Variants in CPT1A observed in about 807,000 individuals in gnomAD.
The protein encoded by CPT1A is carnitine palmitoyltransferase 1A.
A neutral mutation model predicts 100.8 loss-of-function variants in CPT1A; 64 were observed. The ratio of observed to expected loss-of-function variants is 0.63; its 90% CI spans 0.52 to 0.78. The LOEUF (loss-of-function observed/expected upper bound fraction) is 0.78. Ranked by LOEUF, CPT1A falls within the 30% of genes least tolerant of loss-of-function variation. CPT1A has a pLI of 0.00. For synonymous variants in CPT1A, 363 were observed against 396.0 expected (o/e 0.92, Z 0.99); for missense variants, 802 against 1,034.1 (o/e 0.78, Z 3.08).
chr11:68,830,277 CA>C (rs139417113), intron 1 of CPT1A, among the ~76,000 whole-genome samples: 9,474 of 151,276 alleles, frequency 0.063, 424 homozygotes, highest in South Asian at 0.14. Context: ...GACCCTGTCT[CA>C]AAAAAAATAA....
chr11:68,787,601 G>A (rs975562338), intron 9 of CPT1A, among the ~76,000 whole-genome samples: 2 of 152,024 alleles, frequency 1.3e-5, no homozygotes, highest in East Asian at 1.9e-4. Context: ...TCTTTAATGA[G>A]GTCATTAGGG....
chr11:68,811,447 G>A (rs934696961), intron 3 of CPT1A, among the ~76,000 whole-genome samples: 1 of 152,180 alleles, frequency 6.6e-6, no homozygotes, highest in Non-Finnish European at 1.5e-5. Context: ...ACGGCTGCAC[G>A]AGGAAGCTGA....
At chr11:68,764,555 A>T (rs931566817) in intron 14 of CPT1A, among the ~76,000 whole-genome samples, 4 of 151,610 alleles carry the variant, frequency 2.6e-5, no homozygotes, top group African/African-American at 9.7e-5. Flanking sequence ...CACAGGACCC[A>T]CTCAGCTGGG....
chr11:68,841,886 C>G lies in CPT1A; in HGVS notation c.-125G>C, dbSNP rs918258362. On this transcript the variant is annotated 5_prime_UTR_variant, in exon 1 of 19. Transcript: ENST00000265641. The surrounding 1 kb of genome is among the most constrained non-coding windows in gnomAD (Gnocchi z 6.3). ...GGGGAAGGAGGGCCGCGGGCGAGGCCGAGCGCACCCGACGCCGGCAGCAGC... is the reference window on the plus strand; with the variant it reads ...GGGGAAGGAGGGCCGCGGGCGAGGCGGAGCGCACCCGACGCCGGCAGCAGC... 1.0e-6 allele frequency: 1 copy of G among 986,006 alleles called. No homozygotes were observed. The highest frequency in any genetic ancestry group is 1.2e-6 in the Non-Finnish European group (1 of 830,682). 61.1% of individuals were successfully genotyped at this position (986,006 alleles called of 1,614,324 possible). A position where few individuals can be genotyped will look rare whatever the true frequency, so the allele number is the denominator to read the frequency against.
Position 68,841,775 on chromosome 11 carries a change from C to A in CPT1A, c.-14G>T, listed in dbSNP as rs1857165158. 1.0e-5 allele frequency: 10 copies of A among 988,986 alleles called. No homozygotes were observed. Among genetic ancestry groups the A allele is most frequent in the Non-Finnish European group, 1.2e-5 (10 of 833,336 alleles). The allele number at this position is 988,986 out of a possible 1,614,324, so 61.3% of individuals were successfully genotyped here. ...CCCACCGCGGGCGACCGGGCCTCACCGAGTCAGCTACGGAGGTGCGGCAGC... is the reference window on the plus strand; with the variant it reads ...CCCACCGCGGGCGACCGGGCCTCACAGAGTCAGCTACGGAGGTGCGGCAGC... On this transcript the variant is annotated splice_region_variant and 5_prime_UTR_variant, in exon 1 of 19. Transcript: ENST00000265641. This position sits in a 1 kb window ranked among gnomAD's most constrained non-coding sequence, Gnocchi z 6.3.
At chr11:68,829,875 G>A (rs1566388931) in intron 1 of CPT1A, among the ~76,000 whole-genome samples, 1 of 151,952 alleles carries the variant, frequency 6.6e-6, no homozygotes. Flanking sequence ...TCATGGGGCC[G>A]CGGATGTGTC....
intron 14 of CPT1A, among the ~76,000 whole-genome samples, chr11:68,766,553 T>C (rs922491763): frequency 1.3e-5 from 2 of 152,150 alleles, no homozygotes; most frequent in Non-Finnish European, 2.9e-5. Context: ...TGGTGCGATC[T>C]CAGCTCACTA....
At chr11:68,795,009 G>A in intron 7 of CPT1A, 98 bp from the exon 8 acceptor site, 1 of 909,220 alleles carries the variant, frequency 1.1e-6, no homozygotes, top group Non-Finnish European at 1.8e-6. Context: ...TATTTCTAGA[G>A]ATGCATCAAT....
At chr11:68,841,919 C>T (rs554845039), upstream of CPT1A, 588 of 985,190 alleles carry the variant, frequency 6.0e-4, 2 homozygotes, top group African/African-American at 5.9e-3. The surrounding 1 kb of genome is among the most constrained non-coding windows in gnomAD (Gnocchi z 6.3). Context: ...AGCGGATTGG[C>T]TGAGGCGGGT....
intron 14 of CPT1A, among the ~76,000 whole-genome samples, chr11:68,767,630 T>C (rs1854846267): frequency 6.6e-6 from 1 of 152,138 alleles, no homozygotes; most frequent in African/African-American, 2.4e-5. Flanking sequence ...CATCACTTAA[T>C]AGCTATATAA....
intron 1 of CPT1A, among the ~76,000 whole-genome samples, chr11:68,833,261 A>G (rs947102774): frequency 2.0e-5 from 3 of 152,230 alleles, no homozygotes; most frequent in African/African-American, 4.8e-5. Flanking sequence ...AGTAAAGTTC[A>G]TGGCTCTTCT....
intron 13 of CPT1A, chr11:68,773,970 A>G (rs1467177680): frequency 1.1e-5 from 2 of 183,850 alleles, no homozygotes; most frequent in Non-Finnish European, 2.3e-5. Context: ...ACTCCAGTAA[A>G]CATACTGCGC....
intron 9 of CPT1A, among the ~76,000 whole-genome samples, chr11:68,792,998 TGATCATGTCACTGCACTCCAGCCTGGGTG>T (rs1293697782): frequency 3.9e-5 from 6 of 151,974 alleles, no homozygotes; most frequent in Non-Finnish European, 8.8e-5. Flanking sequence ...AAGTGAGCCG[TGATCATGTCACTGCACTCCAGCCTGGGTG>T]GCAGAGAGAG....
At chr11:68,775,206 C>T (rs974340327) in intron 13 of CPT1A, 110 bp downstream of exon 13, 3 of 915,220 alleles carry the variant, frequency 3.3e-6, no homozygotes, top group Non-Finnish European at 1.8e-6. Flanking sequence ...CAGTGGTCTT[C>T]AACTGAGCTC....
chr11:68,791,163 C>T lies in CPT1A; in HGVS notation c.967+2152G>A, dbSNP rs139706904. Among the ~76,000 whole-genome samples the T allele has an allele frequency of 3.2e-3, 494 of 152,214 alleles. 3 individuals carry two copies. The highest frequency in any genetic ancestry group is 0.012 in the African/African-American group (478 of 41,554). On this transcript the variant is annotated intron_variant, in intron 9 of 18. Transcript: ENST00000265641. ...TTTTAAACACATACATATTTACCTC[C>T]TGGAATCACTGTCAGTGTAGGCCGC...
intron 14 of CPT1A, among the ~76,000 whole-genome samples, chr11:68,764,537 G>A (rs542130218): frequency 3.9e-5 from 6 of 151,926 alleles, no homozygotes; most frequent in African/African-American, 1.2e-4. Context: ...ACGGGGAGCC[G>A]GACAGAGCAC....
At chr11:68,783,081 C>G (rs893366819) in intron 10 of CPT1A, among the ~76,000 whole-genome samples, 2 of 152,174 alleles carry the variant, frequency 1.3e-5, no homozygotes, top group African/African-American at 2.4e-5. Context: ...CTCTTTCCAG[C>G]CTTGTCAACA....
chr11:68,776,587 T>C (rs1855146240), intron 12 of CPT1A, among the ~76,000 whole-genome samples: 1 of 151,984 alleles, frequency 6.6e-6, no homozygotes, highest in South Asian at 2.1e-4. Flanking sequence ...ATAAAAATAG[T>C]ACAGAATTAG....
chr11:68,798,095 G>A (rs570248411), intron 6 of CPT1A, among the ~76,000 whole-genome samples: 8 of 152,220 alleles, frequency 5.3e-5, no homozygotes, highest in Non-Finnish European at 1.2e-4. Context: ...GCACTAACCT[G>A]GTGTTCCGCA....
Sources: gnomAD v4.1 joint callset for allele counts (sites outside exome capture counted in the v4.1 genomes callset) on GRCh38, gnomAD v4.1.1 for gene constraint, Gnocchi (gnomAD v3.1) non-coding constraint, MANE v1.5 for transcripts, NCBI Gene and HGNC (gene_info 2026-07-23, HGNC 2026-07-21) for gene names.